Variants in HACD4 observed in about 807,000 individuals in gnomAD.
HACD4 encodes the protein 3-hydroxyacyl-CoA dehydratase 4, also known as very-long-chain (3R)-3-hydroxyacyl-CoA dehydratase 4.
A neutral mutation model predicts 33.3 loss-of-function variants in HACD4; 35 were observed. That is an observed-to-expected ratio of 1.05 (90% confidence interval 0.80 to 1.39). The LOEUF (loss-of-function observed/expected upper bound fraction) is 1.39, where lower values mean the gene tolerates loss of function less well. HACD4 is among the 40% of genes most tolerant of loss of function. The pLI is 0.00. For synonymous variants in HACD4, 118 were observed against 98.0 expected, an observed-to-expected ratio of 1.20 and a Z score of -1.21; for missense variants, 323 against 276.5, an observed-to-expected ratio of 1.17 and a Z score of -1.19.
Position 21,001,143 on chromosome 9 carries a change from C to A in HACD4, c.*5894G>T, listed in dbSNP as rs1396662827. 6.6e-6 allele frequency: 1 copy of A among 151,978 alleles called. No individual in the cohort carries two copies. The highest frequency in any genetic ancestry group is 2.4e-5 in the African/African-American group (1 of 41,406). The allele number at this position is 151,978 out of a possible 1,614,324, so 9.4% of individuals were successfully genotyped here. A position where few individuals can be genotyped will look rare whatever the true frequency, so the allele number is the denominator to read the frequency against. The stretch of plus-strand genomic sequence containing the variant: ...GATGGTGGATCCACTAAAGGCTCTA[C>A]AACGACTGCCTTAAGGATGTTTTTT... On this transcript the variant is annotated 3_prime_UTR_variant, in exon 7 of 7. Coordinates refer to ENST00000495827, the MANE Select transcript of HACD4 (RefSeq NM_001010915.5).
At chr9:21,029,268 A>G in intron 2 of HACD4, 27 bp downstream of exon 2, 1 of 1,322,970 alleles carries the variant, frequency 7.6e-7, no homozygotes, top group Non-Finnish European at 1.1e-6. Flanking sequence ...AAAAGTTAAA[A>G]ATAAAAAAAC....
intron 3 of HACD4, among the ~76,000 whole-genome samples, chr9:21,020,039 C>G (rs1471457041): frequency 6.6e-6 from 1 of 151,980 alleles, no homozygotes; most frequent in Non-Finnish European, 1.5e-5. Context: ...TTTTGACAAA[C>G]AGATCCCTGC....
Position 21,031,604 on chromosome 9 carries a change from C to G in HACD4, c.-14G>C. The stretch of plus-strand genomic sequence containing the variant: ...CAAGGGCCCCATGGGCCGCCGCCGC[C>G]AGGGCTTCCAGCGCGGTCCAGGAAG... On this transcript the variant is annotated 5_prime_UTR_variant, in exon 1 of 7. Transcript: ENST00000495827. 2 of 1,421,082 alleles carry G rather than the reference C, an allele frequency of 1.4e-6. No homozygotes were observed. Among genetic ancestry groups the G allele is most frequent in the Non-Finnish European group, 1.8e-6 (2 of 1,093,752 alleles). The allele number at this position is 1,421,082 out of a possible 1,614,324, so 88.0% of individuals were successfully genotyped here.
intron 5 of HACD4, among the ~76,000 whole-genome samples, chr9:21,010,457 C>CT (rs1564270484): frequency 1.4e-3 from 4 of 2,862 alleles, no homozygotes; most frequent in Admixed American, 9.4e-3. Context: ...CATCCTGGTA[C>CT]CCCCCCCCCC....
intron 6 of HACD4, among the ~76,000 whole-genome samples, chr9:21,007,700 C>T (rs779632990): frequency 7.2e-5 from 11 of 152,142 alleles, no homozygotes; most frequent in Non-Finnish European, 1.6e-4. Context: ...ATAGCCAATT[C>T]TTCTTAGTTT....
chr9:21,029,230 T>C, intron 2 of HACD4, 65 bp downstream of exon 2: 1 of 901,276 alleles, frequency 1.1e-6, no homozygotes, highest in East Asian at 2.5e-5. Flanking sequence ...AAATTTAATA[T>C]AAGCAGGATG....
chr9:21,010,456 A>ATTCC (rs1353043927), intron 5 of HACD4, among the ~76,000 whole-genome samples: 1 of 105,006 alleles, frequency 9.5e-6, no homozygotes, highest in African/African-American at 4.4e-5. Flanking sequence ...ACATCCTGGT[A>ATTCC]CCCCCCCCCC....
Position 21,003,756 on chromosome 9 carries a change from TCA to T in HACD4, c.*3279_*3280del, listed in dbSNP as rs1842205716. On this transcript the variant is annotated 3_prime_UTR_variant, in exon 7 of 7. Coordinates refer to ENST00000495827, the MANE Select transcript of HACD4 (RefSeq NM_001010915.5). ...TACATCAATGATACAGCAATGACTA[TCA>T]GTTATTCACACTTTTTTTAGATTTT... is the stretch of plus-strand genomic sequence containing the variant. 1 of 152,194 alleles carries T rather than the reference TCA, an allele frequency of 6.6e-6. No individual in the cohort carries two copies. Among genetic ancestry groups the T allele is most frequent in the African/African-American group, 2.4e-5 (1 of 41,468 alleles). 9.4% of individuals were successfully genotyped at this position (152,194 alleles called of 1,614,324 possible). A position where few individuals can be genotyped will look rare whatever the true frequency, so the allele number is the denominator to read the frequency against.
intron 3 of HACD4, among the ~76,000 whole-genome samples, chr9:21,023,112 G>A (rs553180523): frequency 4.2e-4 from 63 of 150,090 alleles, no homozygotes; most frequent in Non-Finnish European, 6.6e-4. Flanking sequence ...GCAAACTATC[G>A]CAAGGACAGA....
intron 1 of HACD4, among the ~76,000 whole-genome samples, chr9:21,029,652 A>G (rs1228156092): frequency 6.6e-6 from 1 of 152,198 alleles, no homozygotes; most frequent in Non-Finnish European, 1.5e-5. Context: ...TCAGCTGAAA[A>G]TATCATAAAC....
In HACD4 at chr9:21,005,346, A is replaced by T. The variant is rs1465738690; in HGVS notation, c.*1691T>A. Reference sequence around the variant, plus strand: ...GGGAAATTATCAGTCTGTCTGCATTACAAAAAGATAAGAAAACACGTTTGG... The same window carrying T: ...GGGAAATTATCAGTCTGTCTGCATTTCAAAAAGATAAGAAAACACGTTTGG... On this transcript the variant is annotated 3_prime_UTR_variant, in exon 7 of 7. Coordinates refer to ENST00000495827, the MANE Select transcript of HACD4 (RefSeq NM_001010915.5). This position sits in a 1 kb window ranked among gnomAD's most constrained non-coding sequence, Gnocchi z 4.0. 1 of 152,248 alleles carries T rather than the reference A, an allele frequency of 6.6e-6. No individual in the cohort carries two copies. Among genetic ancestry groups the T allele is most frequent in the Non-Finnish European group, 1.5e-5 (1 of 68,048 alleles). 9.4% of individuals were successfully genotyped at this position (152,248 alleles called of 1,614,324 possible).
chr9:21,017,529 T>C (rs1029762468), intron 3 of HACD4, among the ~76,000 whole-genome samples: 2 of 152,196 alleles, frequency 1.3e-5, no homozygotes, highest in African/African-American at 4.8e-5. Flanking sequence ...AGCCTTCAGA[T>C]ACACGATCAT....
chr9:21,007,375 A>G (rs1842296072), intron 6 of HACD4, among the ~76,000 whole-genome samples: 1 of 152,182 alleles, frequency 6.6e-6, no homozygotes, highest in Non-Finnish European at 1.5e-5. Flanking sequence ...ACCTTCCTCT[A>G]AAGTTTCACA....
chr9:21,009,547 A>C (rs553902910), intron 5 of HACD4, among the ~76,000 whole-genome samples: 1 of 152,152 alleles, frequency 6.6e-6, no homozygotes, highest in African/African-American at 2.4e-5. Context: ...AATTTGATTA[A>C]GTTTTAATTG....
chr9:21,007,514 C>T (rs1187836936), intron 6 of HACD4, among the ~76,000 whole-genome samples: 1 of 152,030 alleles, frequency 6.6e-6, no homozygotes, highest in Non-Finnish European at 1.5e-5. Context: ...AAAGTTTTTT[C>T]CCCAATTTCC....
chr9:21,007,210 C>A, intron 6 of HACD4, 91 bp from the exon 7 acceptor site: 1 of 740,018 alleles, frequency 1.4e-6, no homozygotes. Flanking sequence ...GAGTGCTGCC[C>A]AAATCCAGGG....
chr9:21,023,551 G>A (rs1237197950), intron 3 of HACD4, among the ~76,000 whole-genome samples: 1 of 150,174 alleles, frequency 6.7e-6, no homozygotes, highest in Non-Finnish European at 1.5e-5. Context: ...CCCCCAAGAA[G>A]AATTCAGTTG....
At chr9:21,022,489 T>C (rs886566837) in intron 3 of HACD4, among the ~76,000 whole-genome samples, 19 of 151,998 alleles carry the variant, frequency 1.3e-4, no homozygotes, top group African/African-American at 4.3e-4. Context: ...TGACAAAGGG[T>C]TAATATCCAG....
At chr9:21,031,208 C>A (rs1457495101) in intron 1 of HACD4, among the ~76,000 whole-genome samples, 1 of 152,138 alleles carries the variant, frequency 6.6e-6, no homozygotes, top group East Asian at 1.9e-4. Flanking sequence ...ACGGCTGTTA[C>A]ATCTAAAAAT....
Sources: allele counts gnomAD v4.1 joint callset (sites outside exome capture counted in the v4.1 genomes callset), GRCh38; gene constraint gnomAD v4.1.1; non-coding constraint Gnocchi (gnomAD v3.1); transcripts MANE v1.5; gene names NCBI Gene and HGNC (gene_info 2026-07-23, HGNC 2026-07-21).